The following CCDC154 variants were observed in gnomAD, a reference collection of about 807,000 sequenced individuals.
CCDC154 encodes coiled-coil domain containing 154.
Under a neutral mutation model 87.5 loss-of-function variants are expected in CCDC154, and 91 were observed. The ratio of observed to expected loss-of-function variants is 1.04; its 90% CI spans 0.88 to 1.24. The LOEUF is 1.24. CCDC154 is among the 50% of genes most tolerant of loss of function. The probability of loss-of-function intolerance (pLI) is 0.00; values close to 1 mark genes in which losing one functional copy is unlikely to be tolerated. For missense variants in CCDC154, 903 were observed against 879.2 expected (o/e 1.03, Z -0.34); for synonymous variants, 418 against 400.4 (o/e 1.04, Z -0.52).
At chr16:1,440,327 G>A (rs2038539473) in intron 6 of CCDC154, among the ~76,000 whole-genome samples, 1 of 151,706 alleles carries the variant, frequency 6.6e-6, no homozygotes, top group African/African-American at 2.4e-5. Context: ...ATGCGTGCCT[G>A]TAGTCCCAGC....
At chr16:1,441,461 G>A (rs529397372) in intron 6 of CCDC154, among the ~76,000 whole-genome samples, 114 of 152,342 alleles carry the variant, frequency 7.5e-4, no homozygotes, top group African/African-American at 2.7e-3. Flanking sequence ...CCGGGCTGCT[G>A]AAATGTGCAG....
At chr16:1,435,415 C>T (rs962323381) in intron 14 of CCDC154, 39 of 563,006 alleles carry the variant, frequency 6.9e-5, no homozygotes, top group Non-Finnish European at 1.0e-4. Context: ...CTCGTGGCTG[C>T]GGACGGCACC....
chr16:1,442,140 A>T (rs1206495942), intron 6 of CCDC154, among the ~76,000 whole-genome samples: 1 of 142,958 alleles, frequency 7.0e-6, no homozygotes, highest in Non-Finnish European at 1.5e-5. Context: ...CTGGTCTTGA[A>T]CTCCTGACCT....
chr16:1,444,368 G>A lies in CCDC154; in HGVS notation c.-46C>T. The A allele has an allele frequency of 4.6e-6, 6 of 1,295,052 alleles. No homozygotes were observed. The highest frequency in any genetic ancestry group is 5.1e-6 in the Non-Finnish European group (5 of 987,388). 80.2% of individuals were successfully genotyped at this position (1,295,052 alleles called of 1,614,324 possible). A position where few individuals can be genotyped will look rare whatever the true frequency, so the allele number is the denominator to read the frequency against. On this transcript the variant is annotated 5_prime_UTR_variant, in exon 1 of 17. Coordinates refer to ENST00000389176, the MANE Select transcript of CCDC154 (RefSeq NM_001143980.3). ...CACCCTGCCCTCGGCTGTAGCTTGG[G>A]CCTTGGGGCCTCTGAGGTTGCCCAG...
chr16:1,436,571 C>T (rs948190401), intron 12 of CCDC154, 50 bp from the exon 13 acceptor site: 3 of 1,545,920 alleles, frequency 1.9e-6, no homozygotes, highest in Admixed American at 3.9e-5. Flanking sequence ...CCATCTAGGA[C>T]CAGCCTTGGC....
chr16:1,434,565 A>ACCCCCCCCCCCCCCCCCCCTGCC, intron 16 of CCDC154, 31 bp from the exon 17 acceptor site: 1 of 1,462,536 alleles, frequency 6.8e-7, no homozygotes, highest in Admixed American at 2.1e-5. Flanking sequence ...TGGCCCCTGC[A>ACCCCCCCCCCCCCCCCCCCTGCC]CCCCCGCCCC....
At chr16:1,441,138 G>A (rs973121128) in intron 6 of CCDC154, among the ~76,000 whole-genome samples, 6 of 152,082 alleles carry the variant, frequency 3.9e-5, no homozygotes, top group African/African-American at 1.2e-4. Flanking sequence ...AACGAGTGTC[G>A]GCCTGGCTTT....
At chr16:1,438,542 G>T in intron 9 of CCDC154, 77 bp downstream of exon 9, 1 of 1,313,878 alleles carries the variant, frequency 7.6e-7, no homozygotes, top group Non-Finnish European at 1.1e-6. Context: ...CTGCTGAGTC[G>T]GCCACTGCGG....
At position 1,434,659 on chromosome 16, in the gene CCDC154, G is replaced by A; in HGVS notation, c.1877+9C>T. 1 of 1,544,216 alleles carries A rather than the reference G, an allele frequency of 6.5e-7. No homozygotes were observed. ...CCCAGGAGGCCGCGCCGGGATCCCT[G>A]CTGCCCACCTCACAGCCTGGTACAC... On this transcript the variant is annotated intron_variant, in intron 16 of 16. Coordinates refer to ENST00000389176, the MANE Select transcript of CCDC154 (RefSeq NM_001143980.3).
Position 1,438,875 on chromosome 16 carries a change from C to T in CCDC154, c.846G>A (p.Arg282=), listed in dbSNP as rs1232263451. The T allele has an allele frequency of 3.2e-6, 5 of 1,549,408 alleles. No homozygotes were observed. Among genetic ancestry groups the T allele is most frequent in the Non-Finnish European group, 4.4e-6 (5 of 1,146,714 alleles). Residue 282 remains arginine, a synonymous_variant, in exon 8 of 17, where the codon CGG becomes CGA. Transcript: ENST00000389176. Reference sequence around the variant, plus strand: ...CCATCAGCCCCCGAAGCTTCTCCCACCGGCTCTCCAGCTCGCCCCGCAGGC... The same window carrying T: ...CCATCAGCCCCCGAAGCTTCTCCCATCGGCTCTCCAGCTCGCCCCGCAGGC... The part of the protein sequence containing the change: ...EGSLRGELES[R]WEKLRGLMEE...
Position 1,435,129 on chromosome 16 carries a change from T to A in CCDC154, c.1652A>T (p.Lys551Met). 6.4e-7 allele frequency: 1 copy of A among 1,550,428 alleles called. No individual in the cohort carries two copies. The highest frequency in any genetic ancestry group is 8.7e-7 in the Non-Finnish European group (1 of 1,146,882). The change falls in exon 15 of 17, where the codon AAG becomes ATG. Residue 551 changes from lysine to methionine, a missense_variant. By Grantham distance (95) the Lys-to-Met change is moderately conservative (BLOSUM62 -1). Transcript: ENST00000389176. ...MKLENCVQAN[K>M]TIQNLRFNTE... ...GTTGAACCTGAGGTTCTGGATGGTC[T>A]TGTTGGCCTGGACGCAGTTTTCCAG...
At chr16:1,435,242 A>G (rs9927318) in intron 14 of CCDC154, 67 bp from the exon 15 acceptor site, 154,767 of 1,370,860 alleles carry the variant, frequency 0.11, 15,060 homozygotes, top group African/African-American at 0.5. Context: ...CCCCACAGGC[A>G]CCCCGATATC....
At chr16:1,437,576 G>A in intron 11 of CCDC154, 1 of 488,896 alleles carries the variant, frequency 2.0e-6, no homozygotes, top group Non-Finnish European at 3.5e-6. Context: ...CGTGGGCCGA[G>A]GCTCCAGCTC....
intron 1 of CCDC154, 42 bp from the exon 2 acceptor site, chr16:1,444,054 C>G (rs2038586621): frequency 7.9e-7 from 1 of 1,273,788 alleles, no homozygotes; most frequent in African/African-American, 1.5e-5. Context: ...TGGGGCCCGG[C>G]CCCCACTGGA....
intron 6 of CCDC154, 80 bp downstream of exon 6, chr16:1,442,326 C>T (rs958876959): frequency 1.3e-4 from 182 of 1,419,306 alleles, no homozygotes; most frequent in South Asian, 1.9e-4. Flanking sequence ...GCCGCTGTAT[C>T]GGATGGCACA....
At position 1,436,400 on chromosome 16, in the gene CCDC154, G is replaced by C. The variant is rs541611072; in HGVS notation, c.1487+45C>G. 95 of 1,466,450 alleles carry C rather than the reference G, an allele frequency of 6.5e-5. 1 individual carries two copies. In the East Asian group the frequency reaches 2.3e-3, roughly 35 times the overall value. The allele number at this position is 1,466,450 out of a possible 1,614,324, so 90.8% of individuals were successfully genotyped here. A position where few individuals can be genotyped will look rare whatever the true frequency, so the allele number is the denominator to read the frequency against. On this transcript the variant is annotated intron_variant, in intron 13 of 16. Coordinates refer to ENST00000389176, the MANE Select transcript of CCDC154 (RefSeq NM_001143980.3). ...GTGGGGACCGGCCCAGCCCAGTAACGGTCAGCAGAGCCCCTGCCCCTCTCC... is the reference window on the plus strand; with the variant it reads ...GTGGGGACCGGCCCAGCCCAGTAACCGTCAGCAGAGCCCCTGCCCCTCTCC...
chr16:1,440,024 G>A (rs1019437553), intron 6 of CCDC154, among the ~76,000 whole-genome samples: 19 of 151,522 alleles, frequency 1.3e-4, no homozygotes, highest in African/African-American at 4.6e-4. Flanking sequence ...ACAGCTGTCT[G>A]TAATCCCAGC....
chr16:1,435,330 C>T, intron 14 of CCDC154, 155 bp from the exon 15 acceptor site: 1 of 679,592 alleles, frequency 1.5e-6, no homozygotes, highest in Admixed American at 2.4e-5. Context: ...GGGCCCAGGA[C>T]AAGCTCCGCT....
intron 14 of CCDC154, chr16:1,435,439 T>C: frequency 1.8e-6 from 1 of 551,456 alleles, no homozygotes; most frequent in South Asian, 2.1e-5. Context: ...GTGTGGGGGC[T>C]CCAGGCAGGT....
Sources: gnomAD v4.1 joint callset for allele counts (sites outside exome capture counted in the v4.1 genomes callset) on GRCh38, gnomAD v4.1.1 for gene constraint, MANE v1.5 for transcripts, NCBI Gene and HGNC (gene_info 2026-07-23, HGNC 2026-07-21) for gene names.